Variants in BTRC observed in about 807,000 individuals in gnomAD.
BTRC encodes the protein beta-transducin repeat containing E3 ubiquitin protein ligase, also known as F-box/WD repeat-containing protein 1A.
A neutral mutation model predicts 85.5 loss-of-function variants in BTRC; 42 were observed. That is an observed-to-expected ratio of 0.49 (90% CI 0.38 to 0.64). BTRC has a LOEUF of 0.64. Among genes scored for constraint, BTRC ranks in the 30% least tolerant of loss-of-function variants. The probability of loss-of-function intolerance (pLI) is 0.00; values close to 1 mark genes in which losing one functional copy is unlikely to be tolerated. For synonymous variants in BTRC, 255 were observed against 263.3 expected (o/e 0.97, Z 0.30); for missense variants, 594 against 743.5 (o/e 0.80, Z 2.34).
At chr10:101,529,614 T>C (rs2062250514) in intron 6 of BTRC, among the ~76,000 whole-genome samples, 2 of 152,240 alleles carry the variant, frequency 1.3e-5, no homozygotes, top group African/African-American at 4.8e-5. Context: ...CTTTTGTTTA[T>C]GCTGGTGTAT....
chr10:101,492,417 T>C (rs1946157161), intron 4 of BTRC, among the ~76,000 whole-genome samples: 1 of 152,172 alleles, frequency 6.6e-6, no homozygotes, highest in African/African-American at 2.4e-5. Context: ...ATGCCACTTG[T>C]GGATTAATGG....
In BTRC at chr10:101,474,118, A is replaced by G. The variant is rs573295104; in HGVS notation, c.235-5250A>G. Among the ~76,000 whole-genome samples the G allele has an allele frequency of 2.6e-5, 4 of 151,858 alleles. No homozygotes were observed. In the South Asian group the frequency reaches 6.3e-4, roughly 24 times the overall value. ...TCTTCTCAGGGTTGGTTTTTGGTTC[A>G]TTTTTCTCTTGACAATGGATCCCAT... is the stretch of plus-strand genomic sequence containing the variant. On this transcript the variant is annotated intron_variant, in intron 3 of 14. Transcript: ENST00000370187.
chr10:101,494,955 A>C (rs909002887), intron 4 of BTRC, among the ~76,000 whole-genome samples: 1 of 152,238 alleles, frequency 6.6e-6, no homozygotes, highest in African/African-American at 2.4e-5. Context: ...GGAGTTTACA[A>C]GCATAGGAAG....
chr10:101,396,888 C>T (rs746605425), intron 1 of BTRC, among the ~76,000 whole-genome samples: 4 of 151,766 alleles, frequency 2.6e-5, no homozygotes, highest in African/African-American at 7.3e-5. Flanking sequence ...CCGGAACCTC[C>T]GCCTCCCGGA....
At chr10:101,427,951 C>T (rs548430832) in intron 1 of BTRC, among the ~76,000 whole-genome samples, 13 of 152,186 alleles carry the variant, frequency 8.5e-5, no homozygotes, top group Non-Finnish European at 1.6e-4. Context: ...ATTCTTAATA[C>T]GTATAAAGAA....
chr10:101,449,616 A>G (rs1316240856), intron 2 of BTRC, among the ~76,000 whole-genome samples: 1 of 152,162 alleles, frequency 6.6e-6, no homozygotes, highest in East Asian at 1.9e-4. Flanking sequence ...CAGTTTTTTA[A>G]AAGATTCCTA....
intron 5 of BTRC, among the ~76,000 whole-genome samples, chr10:101,522,352 T>TAAAAAAAAAAA (rs34282047): frequency 2.9e-4 from 12 of 42,090 alleles, no homozygotes; most frequent in East Asian, 5.2e-4. Context: ...TATAAAGCTT[T>TAAAAAAAAAAA]AAAAAAAAAA....
intron 1 of BTRC, among the ~76,000 whole-genome samples, chr10:101,412,383 A>C (rs1046782306): frequency 1.3e-5 from 2 of 152,176 alleles, no homozygotes; most frequent in African/African-American, 4.8e-5. Flanking sequence ...GATAATTTTA[A>C]GGGTCACCTT....
chr10:101,463,679 A>G (rs1344103273), intron 3 of BTRC, among the ~76,000 whole-genome samples: 4 of 152,032 alleles, frequency 2.6e-5, no homozygotes, highest in Admixed American at 6.6e-5. Flanking sequence ...GTGACTTCCA[A>G]TTTATAGATG....
intron 2 of BTRC, among the ~76,000 whole-genome samples, chr10:101,443,810 T>C (rs1024039930): frequency 1.3e-5 from 2 of 152,204 alleles, no homozygotes; most frequent in Non-Finnish European, 2.9e-5. Flanking sequence ...TGACATCAAG[T>C]AGATGTAAGG....
Position 101,555,021 on chromosome 10 carries a change from A to G in BTRC, c.*1898A>G, listed in dbSNP as rs757049326. ...CAGTATAATGATACATCGTAGCCTAAGAAATATTTTCTCAATGTAATTCCC... is the reference window on the plus strand; with the variant it reads ...CAGTATAATGATACATCGTAGCCTAGGAAATATTTTCTCAATGTAATTCCC... On this transcript the variant is annotated 3_prime_UTR_variant, in exon 15 of 15. Coordinates refer to ENST00000370187, the MANE Select transcript of BTRC (RefSeq NM_033637.4). 5.3e-5 allele frequency: 8 copies of G among 152,250 alleles called. No homozygotes were observed. The highest frequency in any genetic ancestry group is 1.0e-4 in the Non-Finnish European group (7 of 68,044). The allele number at this position is 152,250 out of a possible 1,614,324, so 9.4% of individuals were successfully genotyped here.
At chr10:101,540,476 G>C (rs2062450295) in intron 13 of BTRC, among the ~76,000 whole-genome samples, 1 of 152,084 alleles carries the variant, frequency 6.6e-6, no homozygotes, top group African/African-American at 2.4e-5. Context: ...ATTGATTTTT[G>C]TCTGTCTTGA....
At chr10:101,491,548 T>A (rs1169019108) in intron 4 of BTRC, among the ~76,000 whole-genome samples, 12 of 151,988 alleles carry the variant, frequency 7.9e-5, no homozygotes, top group Admixed American at 7.9e-4. Context: ...TACAAAAAAA[T>A]TAGCTGGGTG....
At chr10:101,544,606 G>A (rs1423370827) in intron 13 of BTRC, among the ~76,000 whole-genome samples, 2 of 152,002 alleles carry the variant, frequency 1.3e-5, no homozygotes, top group Non-Finnish European at 2.9e-5. Context: ...GGGTCTCATT[G>A]TGTTGCCCAG....
intron 1 of BTRC, among the ~76,000 whole-genome samples, chr10:101,394,962 A>AT (rs1398836822): frequency 6.6e-6 from 1 of 152,194 alleles, no homozygotes; most frequent in Admixed American, 6.5e-5. Context: ...TGCACAGATA[A>AT]TTCACCAATC....
At chr10:101,373,690 G>A (rs1020176344) in intron 1 of BTRC, among the ~76,000 whole-genome samples, 1 of 152,108 alleles carries the variant, frequency 6.6e-6, no homozygotes. Context: ...GGCCGAGGTG[G>A]GCGGATCACG....
intron 1 of BTRC, among the ~76,000 whole-genome samples, chr10:101,378,013 CTG>C (rs1398123326): frequency 2.0e-5 from 3 of 151,946 alleles, no homozygotes; most frequent in Non-Finnish European, 2.9e-5. Flanking sequence ...CTTATGGACA[CTG>C]TGATCAAGAT....
At chr10:101,507,913 A>G (rs1189303797) in intron 4 of BTRC, among the ~76,000 whole-genome samples, 2 of 152,148 alleles carry the variant, frequency 1.3e-5, no homozygotes, top group Admixed American at 6.5e-5. Context: ...TGGGTTTACC[A>G]GCCTTGGAGG....
chr10:101,464,846 C>G (rs981696277), intron 3 of BTRC, among the ~76,000 whole-genome samples: 4 of 152,116 alleles, frequency 2.6e-5, no homozygotes, highest in African/African-American at 4.8e-5. Flanking sequence ...TTGCTCGAAC[C>G]AGATTACTGT....
Sources: allele counts gnomAD v4.1 joint callset (sites outside exome capture counted in the v4.1 genomes callset), GRCh38; gene constraint gnomAD v4.1.1; transcripts MANE v1.5; gene names NCBI Gene and HGNC (gene_info 2026-07-23, HGNC 2026-07-21).